Variants in GALNT2 observed in about 807,000 individuals in gnomAD.
GALNT2 encodes UDP-GalNAc:polypeptide N-acetylgalactosaminyltransferase 2.
In GALNT2, 31 loss-of-function variants were observed where a neutral mutation model predicts 81.4. The observed-to-expected ratio is 0.38, with a 90% CI of 0.29 to 0.51. The LOEUF (loss-of-function observed/expected upper bound fraction) is 0.51, where lower values mean the gene tolerates loss of function less well. Among genes scored for constraint, GALNT2 ranks in the 20% least tolerant of loss-of-function variants. GALNT2 has a pLI of 0.87. For synonymous variants in GALNT2, 303 were observed against 287.4 expected (o/e 1.05, Z -0.55); for missense variants, 629 against 765.7 (o/e 0.82, Z 2.11).
At chr1:230,123,854 A>G (rs950734392) in intron 1 of GALNT2, among the ~76,000 whole-genome samples, 13 of 152,180 alleles carry the variant, frequency 8.5e-5, no homozygotes, top group South Asian at 8.3e-4. Context: ...GGTTTTGAAA[A>G]TGACCTGCAC....
chr1:230,126,478 C>T (rs1316329924), intron 1 of GALNT2, among the ~76,000 whole-genome samples: 1 of 152,040 alleles, frequency 6.6e-6, no homozygotes, highest in Non-Finnish European at 1.5e-5. Context: ...AAGGGGGTTG[C>T]AGTTGAGGAC....
rs529371240 is a variant in GALNT2, at chr1:230,079,177, T to C, written c.126+11771T>C. ...TCCTTTTGGTTCTCCCAACAAGATA[T>C]TGATGCTAAAGGCTATTTTACGTGG... On this transcript the variant is annotated intron_variant, in intron 1 of 15. Transcript: ENST00000366672. 8.5e-5 allele frequency among the ~76,000 whole-genome samples: 13 copies of C among 152,382 alleles called. No individual in the cohort carries two copies. The South Asian group carries it at 2.5e-3, about 29-fold the overall frequency.
Position 230,070,604 on chromosome 1 carries a change from A to G in GALNT2, c.126+3198A>G, listed in dbSNP as rs570175268. On this transcript the variant is annotated intron_variant, in intron 1 of 15. Coordinates refer to ENST00000366672, the MANE Select transcript of GALNT2 (RefSeq NM_004481.5). This position sits in a 1 kb window ranked among gnomAD's most constrained non-coding sequence, Gnocchi z 4.7. ...GAGCCTGTCCACTTTGCACAGTAGC[A>G]TCACCCTTATTCCCTGAGCTGGCAC... Among the ~76,000 whole-genome samples the G allele has an allele frequency of 1.3e-5, 2 of 152,238 alleles. No homozygotes were observed. Among genetic ancestry groups the G allele is most frequent in the East Asian group, 1.9e-4 (1 of 5,168 alleles).
At chr1:230,111,398 G>C (rs1660701696) in intron 1 of GALNT2, among the ~76,000 whole-genome samples, 1 of 152,232 alleles carries the variant, frequency 6.6e-6, no homozygotes, top group East Asian at 1.9e-4. Context: ...AAGTGTGTTT[G>C]CATACATGTA....
intron 2 of GALNT2, among the ~76,000 whole-genome samples, chr1:230,187,090 G>A (rs1663358849): frequency 6.6e-6 from 1 of 152,158 alleles, no homozygotes; most frequent in South Asian, 2.1e-4. Flanking sequence ...TGTAGCAGTT[G>A]TAGACAGATG....
At chr1:230,058,038 G>A (rs1658955467) in exon 1 of GALNT2, 2 of 456,292 alleles carry the variant, frequency 4.4e-6, no homozygotes, top group African/African-American at 2.0e-5. Context: ...TATGTGGAAT[G>A]TGGACAGGGC....
intron 1 of GALNT2, among the ~76,000 whole-genome samples, chr1:230,126,328 G>C (rs753187431): frequency 2.0e-5 from 3 of 152,214 alleles, no homozygotes; most frequent in African/African-American, 4.8e-5. Context: ...AGGGCCTGGT[G>C]ATGAGTATAG....
intron 1 of GALNT2, among the ~76,000 whole-genome samples, chr1:230,142,799 G>A (rs1661787720): frequency 6.6e-6 from 1 of 152,174 alleles, no homozygotes; most frequent in Non-Finnish European, 1.5e-5. Flanking sequence ...TTACTGTGGG[G>A]CCTGCGTGGG....
chr1:230,211,513 G>A lies in GALNT2; in HGVS notation c.374+8223G>A, dbSNP rs548862007. On this transcript the variant is annotated intron_variant, in intron 3 of 15. Transcript: ENST00000366672. ...TTTTGTGTGCATTAATTTTATTTAA[G>A]GCTGGGCACAGTGGCTCACACCTGT... 3.7e-3 allele frequency among the ~76,000 whole-genome samples: 562 copies of A among 152,284 alleles called. 2 individuals are homozygous for A. Among genetic ancestry groups the A allele is most frequent in the African/African-American group, 0.013 (543 of 41,548 alleles).
intron 11 of GALNT2, among the ~76,000 whole-genome samples, chr1:230,261,685 C>T (rs1665880040): frequency 6.6e-6 from 1 of 152,190 alleles, no homozygotes; most frequent in South Asian, 2.1e-4. Flanking sequence ...ATGGTTCTCT[C>T]TATGAGATTT....
At chr1:230,166,127 T>TA (rs3831028) in intron 1 of GALNT2, among the ~76,000 whole-genome samples, 68,560 of 149,284 alleles carry the variant, frequency 0.46, 18,376 homozygotes, top group Non-Finnish European at 0.61. Context: ...TTGTAATTAA[T>TA]AAAAAAAAAA....
rs193006149 is a variant in GALNT2, at chr1:230,151,732, T to A, written c.127-26486T>A. Among the ~76,000 whole-genome samples the A allele has an allele frequency of 6.5e-4, 99 of 152,128 alleles. 1 individual carries two copies. Among genetic ancestry groups the A allele is most frequent in the African/African-American group, 2.3e-3 (96 of 41,478 alleles). ...CAGACCCCAAGAGAGGGTTCTTGGA[T>A]CTCGCTCAAGAAAGAATTCAGAGCA... On this transcript the variant is annotated intron_variant, in intron 1 of 15. Coordinates refer to ENST00000366672, the MANE Select transcript of GALNT2 (RefSeq NM_004481.5).
chr1:230,177,578 A>C (rs1198327661), intron 1 of GALNT2, among the ~76,000 whole-genome samples: 1 of 152,250 alleles, frequency 6.6e-6, no homozygotes, highest in African/African-American at 2.4e-5. Flanking sequence ...TTGTTTGCCC[A>C]GATGAGTTGA....
At chr1:230,200,998 A>G (rs891677095) in intron 2 of GALNT2, among the ~76,000 whole-genome samples, 3 of 152,230 alleles carry the variant, frequency 2.0e-5, no homozygotes, top group African/African-American at 4.8e-5. Context: ...GTGAAAGGAT[A>G]AACTCACTGG....
rs12134307 is a variant in GALNT2, at chr1:230,135,242, G to A, written c.127-42976G>A. ...TAGAGACAGTGTCCTAGACTCGGGGGTGGGGATGCGAGGGGTGTAGAGGAA... is the reference window on the plus strand; with the variant it reads ...TAGAGACAGTGTCCTAGACTCGGGGATGGGGATGCGAGGGGTGTAGAGGAA... On this transcript the variant is annotated intron_variant, in intron 1 of 15. Coordinates refer to ENST00000366672, the MANE Select transcript of GALNT2 (RefSeq NM_004481.5). 6.5e-3 allele frequency among the ~76,000 whole-genome samples: 982 copies of A among 152,128 alleles called. 7 individuals carry two copies. Among genetic ancestry groups the A allele is most frequent in the Middle Eastern group, 0.014 (4 of 294 alleles).
intron 1 of GALNT2, among the ~76,000 whole-genome samples, chr1:230,120,274 C>G (rs1660975111): frequency 6.6e-6 from 1 of 152,146 alleles, no homozygotes; most frequent in African/African-American, 2.4e-5. Flanking sequence ...CTTGCCCTGT[C>G]TTTTCTCAAA....
intron 13 of GALNT2, chr1:230,264,460 C>T (rs1286120810): frequency 1.3e-5 from 2 of 152,228 alleles, no homozygotes; most frequent in Admixed American, 6.5e-5. Context: ...GGCCCCGCAC[C>T]CACTGAAGAC....
At position 230,163,101 on chromosome 1, in the gene GALNT2, G is replaced by A. The variant is rs1225787507; in HGVS notation, c.127-15117G>A. 4.6e-5 allele frequency among the ~76,000 whole-genome samples: 7 copies of A among 152,192 alleles called. No homozygotes were observed. In the East Asian group the frequency reaches 5.8e-4, roughly 13 times the overall value. ...CCTGCATTTCTAAGTCAGTGGACAC[G>A]TGAATCTTTGGCTTACAGAAAGATA... On this transcript the variant is annotated intron_variant, in intron 1 of 15. Transcript: ENST00000366672.
In GALNT2 at chr1:230,131,562, A is replaced by G. The variant is rs115011554; in HGVS notation, c.127-46656A>G. On this transcript the variant is annotated intron_variant, in intron 1 of 15. Transcript: ENST00000366672. ...GCCATCTGGGAGTTAGGTCTTAAGC[A>G]CTAGCCACCCAATTCTCCTTGCTTG... 2.8e-3 allele frequency among the ~76,000 whole-genome samples: 424 copies of G among 152,298 alleles called. 2 individuals are homozygous for G. Among genetic ancestry groups the G allele is most frequent in the African/African-American group, 7.9e-3 (329 of 41,560 alleles).
Sources: allele counts gnomAD v4.1 joint callset (sites outside exome capture counted in the v4.1 genomes callset), GRCh38; gene constraint gnomAD v4.1.1; non-coding constraint Gnocchi (gnomAD v3.1); transcripts MANE v1.5; gene names NCBI Gene and HGNC (gene_info 2026-07-23, HGNC 2026-07-21).